CACNA1E: variants seen among roughly 807,000 people sequenced by gnomAD.
CACNA1E encodes calcium voltage-gated channel subunit alpha1 E, also known as voltage-dependent R-type calcium channel subunit alpha-1E.
A neutral mutation model predicts 259.2 loss-of-function variants in CACNA1E; 40 were observed. The observed-to-expected ratio is 0.15, with a 90% confidence interval of 0.12 to 0.20. CACNA1E has a LOEUF of 0.20. Among genes scored for constraint, CACNA1E ranks in the 10% least tolerant of loss-of-function variants. The pLI is 1.00. For missense variants in CACNA1E, 1,874 were observed against 3,040.1 expected (o/e 0.62, Z 9.02); for synonymous variants, 1,104 against 1,138.5 (o/e 0.97, Z 0.61).
chr1:181,516,942 T>C (rs1442727314), intron 3 of CACNA1E, among the ~76,000 whole-genome samples: 1 of 149,300 alleles, frequency 6.7e-6, no homozygotes, highest in Non-Finnish European at 1.5e-5. Flanking sequence ...GGTGTGTCTG[T>C]GCCTGGCTCT....
At chr1:181,610,707 A>G (rs1654681251) in intron 6 of CACNA1E, among the ~76,000 whole-genome samples, 1 of 152,288 alleles carries the variant, frequency 6.6e-6, no homozygotes, top group South Asian at 2.1e-4. Flanking sequence ...CCCTGTTTGC[A>G]TTGTGGTGAG....
At chr1:181,514,260 C>G (rs920885153) in intron 3 of CACNA1E, among the ~76,000 whole-genome samples, 3 of 152,198 alleles carry the variant, frequency 2.0e-5, no homozygotes, top group African/African-American at 7.2e-5. Context: ...GTTTAATTGA[C>G]AGCATGTTTT....
At chr1:181,391,133 A>T (rs1393467660) in intron 1 of CACNA1E, among the ~76,000 whole-genome samples, 2 of 152,176 alleles carry the variant, frequency 1.3e-5, no homozygotes, top group Non-Finnish European at 2.9e-5. Context: ...ATTCATTGCC[A>T]CCACTGGAGC....
chr1:181,332,509 CTGA>C (rs893343513), intron 1 of CACNA1E, among the ~76,000 whole-genome samples: 1 of 152,170 alleles, frequency 6.6e-6, no homozygotes, highest in Non-Finnish European at 1.5e-5. Context: ...GAACTAGCTC[CTGA>C]TAAGTTTGCT....
chr1:181,722,227 A>T (rs1168402683), intron 16 of CACNA1E, among the ~76,000 whole-genome samples: 1 of 152,224 alleles, frequency 6.6e-6, no homozygotes, highest in African/African-American at 2.4e-5. Context: ...TGAATTAATT[A>T]CATGCTAATG....
In CACNA1E at chr1:181,739,262, C is replaced by T; in HGVS notation, c.3719+9C>T. On this transcript the variant is annotated intron_variant, in intron 25 of 47. Coordinates refer to ENST00000367573, the MANE Select transcript of CACNA1E (RefSeq NM_001205293.3). ...GTGGCCTTTGCTCTGGCGTAAGTGA[C>T]TCTTTTCATATTTGATTCCCTTCCT... 6.4e-7 allele frequency: 1 copy of T among 1,553,774 alleles called. No homozygotes were observed.
intron 1 of CACNA1E, among the ~76,000 whole-genome samples, chr1:181,388,667 T>C (rs1386919254): frequency 6.6e-6 from 1 of 152,118 alleles, no homozygotes; most frequent in Non-Finnish European, 1.5e-5. Context: ...GGCGGGTGGA[T>C]CACCTGAGGT....
intron 1 of CACNA1E, among the ~76,000 whole-genome samples, chr1:181,332,918 C>A (rs950413622): frequency 6.6e-6 from 1 of 152,138 alleles, no homozygotes; most frequent in Non-Finnish European, 1.5e-5. Flanking sequence ...GGCTATCCAT[C>A]GTGAGTCAAC....
At chr1:181,682,759 T>A (rs972943849) in intron 7 of CACNA1E, among the ~76,000 whole-genome samples, 11 of 151,860 alleles carry the variant, frequency 7.2e-5, no homozygotes, top group African/African-American at 2.4e-4. Flanking sequence ...AGAGAGTGAG[T>A]GAGTGGGGAG....
chr1:181,758,926 C>A lies in CACNA1E; in HGVS notation c.4605+58C>A. On this transcript the variant is annotated intron_variant, in intron 32 of 47. Transcript: ENST00000367573. The surrounding 1 kb of genome is among the most constrained non-coding windows in gnomAD (Gnocchi z 4.2). ...TGTCTCTTTCTGTTGGGTGCCTTCC[C>A]AGTCTTTGTTGAAGGGGAGGTGGTT... 1 of 971,348 alleles carries A rather than the reference C, an allele frequency of 1.0e-6. No homozygotes were observed. The allele number at this position is 971,348 out of a possible 1,614,324, so 60.2% of individuals were successfully genotyped here.
rs114088252 is a variant in CACNA1E, at chr1:181,716,122, C to G, written c.1308C>G (p.Ser436=). The G allele has an allele frequency of 7.4e-4, 1,144 of 1,555,984 alleles. 11 individuals are homozygous for G. The African/African-American group carries it at 0.014, about 18-fold the overall frequency. ...DSSDEHCVDI[S]SVGTPLARAS... ...GTGATGAGCACTGTGTTGATATCTC[C>G]TCTGTGGGTGAGTGGATCCAGTTAG... Residue 436 remains serine, a synonymous_variant, in exon 10 of 48, where the codon TCC becomes TCG. Coordinates refer to ENST00000367573, the MANE Select transcript of CACNA1E (RefSeq NM_001205293.3).
chr1:181,692,036 G>C (rs375275519), intron 7 of CACNA1E, among the ~76,000 whole-genome samples: 1 of 152,028 alleles, frequency 6.6e-6, no homozygotes, highest in Non-Finnish European at 1.5e-5. Context: ...CAAACTGAGA[G>C]CCAAATCAAG....
At chr1:181,360,292 G>A (rs1441034468) in intron 1 of CACNA1E, among the ~76,000 whole-genome samples, 12 of 152,100 alleles carry the variant, frequency 7.9e-5, no homozygotes. Flanking sequence ...ACAAAAACTG[G>A]TACATGCCTG....
intron 6 of CACNA1E, among the ~76,000 whole-genome samples, chr1:181,588,118 G>A (rs1466479248): frequency 6.6e-6 from 1 of 152,176 alleles, no homozygotes; most frequent in Non-Finnish European, 1.5e-5. Context: ...CCGGCGCACC[G>A]CTGGGCCCTC....
chr1:181,570,252 G>C lies in CACNA1E; in HGVS notation c.513-7514G>C, dbSNP rs144158311. On this transcript the variant is annotated intron_variant, in intron 3 of 47. Transcript: ENST00000367573. ...GGAAGATCTTATTGTGTGTTCCTCG[G>C]GGGGAGTCTTGCTCACCTTGGAAGT... Among the ~76,000 whole-genome samples the C allele has an allele frequency of 1.7e-3, 252 of 152,034 alleles. 3 individuals carry two copies. The highest frequency in any genetic ancestry group is 5.9e-3 in the African/African-American group (245 of 41,460).
chr1:181,584,805 C>T (rs901182958), intron 6 of CACNA1E, among the ~76,000 whole-genome samples: 1 of 152,186 alleles, frequency 6.6e-6, no homozygotes, highest in African/African-American at 2.4e-5. Flanking sequence ...AGTAGAACTA[C>T]TCAAAACTAA....
intron 6 of CACNA1E, among the ~76,000 whole-genome samples, chr1:181,641,486 T>C (rs1199318674): frequency 6.7e-6 from 1 of 149,678 alleles, no homozygotes; most frequent in Non-Finnish European, 1.5e-5. Context: ...CCTCTGTTGA[T>C]TGGCCATCTG....
intron 3 of CACNA1E, among the ~76,000 whole-genome samples, chr1:181,550,038 T>C (rs183500855): frequency 1.1e-4 from 17 of 152,062 alleles, no homozygotes; most frequent in Admixed American, 1.1e-3. Flanking sequence ...CATGTGTGTG[T>C]TGGGGGTAAT....
chr1:181,377,415 T>C (rs1655178823), intron 1 of CACNA1E, among the ~76,000 whole-genome samples: 1 of 152,172 alleles, frequency 6.6e-6, no homozygotes, highest in South Asian at 2.1e-4. Flanking sequence ...AAAGAGTTCA[T>C]ATGGTATTTG....
Sources: allele counts gnomAD v4.1 joint callset (sites outside exome capture counted in the v4.1 genomes callset), GRCh38; gene constraint gnomAD v4.1.1; non-coding constraint Gnocchi (gnomAD v3.1); transcripts MANE v1.5; gene names NCBI Gene and HGNC (gene_info 2026-07-23, HGNC 2026-07-21).